Variants in CRPPA observed in about 807,000 individuals in gnomAD.
CRPPA encodes D-ribitol-5-phosphate cytidylyltransferase.
CRPPA carries 43 observed loss-of-function variants against 52.0 expected under a neutral mutation model. The observed-to-expected ratio is 0.83, with a 90% CI of 0.65 to 1.07. The LOEUF (loss-of-function observed/expected upper bound fraction) is 1.07. Ranked by LOEUF, CRPPA falls within the 50% of genes least tolerant of loss-of-function variation. The pLI, the probability that CRPPA is intolerant of heterozygous loss-of-function variation, is 0.00. For missense variants in CRPPA, 629 were observed against 551.7 expected, an observed-to-expected ratio of 1.14 and a Z score of -1.40; for synonymous variants, 250 against 203.5, an observed-to-expected ratio of 1.23 and a Z score of -1.94.
At chr7:16,188,572 C>A (rs906718731) in intron 9 of CRPPA, among the ~76,000 whole-genome samples, 2 of 152,106 alleles carry the variant, frequency 1.3e-5, no homozygotes, top group Middle Eastern at 3.2e-3. Flanking sequence ...ATTGGACATA[C>A]AACAGAAACT....
intron 9 of CRPPA, among the ~76,000 whole-genome samples, chr7:16,163,997 G>C (rs983066683): frequency 6.6e-6 from 1 of 152,050 alleles, no homozygotes; most frequent in Non-Finnish European, 1.5e-5. Context: ...TCTTGGGGTT[G>C]CTCTTCTAGA....
At chr7:16,208,840 T>G (rs1215435445) in intron 9 of CRPPA, 2 of 190,364 alleles carry the variant, frequency 1.1e-5, no homozygotes, top group East Asian at 1.5e-4. Context: ...TGGCACATTA[T>G]GTTGTATATA....
chr7:16,095,088 G>A (rs569516847), intron 9 of CRPPA, among the ~76,000 whole-genome samples: 13 of 152,170 alleles, frequency 8.5e-5, no homozygotes, highest in African/African-American at 2.2e-4. Flanking sequence ...AACTCTCTGC[G>A]GCATCCTCTG....
chr7:16,207,846 C>T (rs1172928104), intron 9 of CRPPA, among the ~76,000 whole-genome samples: 1 of 152,142 alleles, frequency 6.6e-6, no homozygotes. Context: ...TATAGGAAAT[C>T]AGATCAATAT....
intron 9 of CRPPA, among the ~76,000 whole-genome samples, chr7:16,205,834 T>C (rs1034436808): frequency 5.9e-5 from 9 of 151,926 alleles, no homozygotes; most frequent in African/African-American, 2.2e-4. Context: ...GCCAAAATCC[T>C]TTAATATCAT....
chr7:16,367,326 T>G (rs541375477), intron 3 of CRPPA, among the ~76,000 whole-genome samples: 81 of 152,168 alleles, frequency 5.3e-4, no homozygotes, highest in Non-Finnish European at 8.1e-4. Flanking sequence ...ACCGAACAAC[T>G]AAGCAAAAAC....
chr7:16,151,267 A>G (rs890845504), intron 9 of CRPPA, among the ~76,000 whole-genome samples: 1 of 152,174 alleles, frequency 6.6e-6, no homozygotes, highest in Admixed American at 6.5e-5. Context: ...AATGACAAAC[A>G]TAAGACAAAG....
chr7:16,353,815 A>C (rs1479029206), intron 3 of CRPPA, among the ~76,000 whole-genome samples: 1 of 151,838 alleles, frequency 6.6e-6, no homozygotes, highest in African/African-American at 2.4e-5. Context: ...ACACCACTGC[A>C]CTCCAGCCTG....
At chr7:16,378,100 T>A (rs13234570) in intron 2 of CRPPA, among the ~76,000 whole-genome samples, 56,593 of 151,910 alleles carry the variant, frequency 0.37, 12,612 homozygotes, top group Non-Finnish European at 0.49. Flanking sequence ...CCTTTTTTTT[T>A]AATTTTTTTA....
chr7:16,276,756 T>C (rs1784211137), intron 6 of CRPPA: 1 of 152,126 alleles, frequency 6.6e-6, no homozygotes, highest in Admixed American at 6.5e-5. Flanking sequence ...TAAACAATTG[T>C]TTAAGGGAGA....
In CRPPA at chr7:16,089,022, T is replaced by G. The variant is rs976480845; in HGVS notation, c.*2673A>C. 3 of 224,332 alleles carry G rather than the reference T, an allele frequency of 1.3e-5. No individual in the cohort carries two copies. Among genetic ancestry groups the G allele is most frequent in the Non-Finnish European group, 2.9e-5 (3 of 101,984 alleles). 13.9% of individuals were successfully genotyped at this position (224,332 alleles called of 1,614,324 possible). On this transcript the variant is annotated 3_prime_UTR_variant, in exon 10 of 10. Transcript: ENST00000407010. The stretch of plus-strand genomic sequence containing the variant: ...CACTTATTATCAGTCTTCCTTATTT[T>G]AAGCCCAAACTTTTGTTACTATTCA...
intron 9 of CRPPA, among the ~76,000 whole-genome samples, chr7:16,210,221 T>C (rs922753806): frequency 6.6e-5 from 10 of 152,210 alleles, no homozygotes; most frequent in African/African-American, 2.4e-4. Flanking sequence ...CTAGCCCTAT[T>C]CACCCTATAA....
chr7:16,194,286 A>C (rs927451061), intron 9 of CRPPA, among the ~76,000 whole-genome samples: 1 of 152,176 alleles, frequency 6.6e-6, no homozygotes, highest in Non-Finnish European at 1.5e-5. Flanking sequence ...GTAGCCTTAT[A>C]CGAGTAGATG....
At chr7:16,230,513 T>G (rs896801235) in intron 8 of CRPPA, among the ~76,000 whole-genome samples, 1 of 152,172 alleles carries the variant, frequency 6.6e-6, no homozygotes, top group Non-Finnish European at 1.5e-5. Flanking sequence ...TTCCATCTGA[T>G]TATATTTCAC....
intron 1 of CRPPA, among the ~76,000 whole-genome samples, chr7:16,417,170 G>A (rs1426541859): frequency 2.6e-5 from 4 of 152,050 alleles, no homozygotes; most frequent in African/African-American, 9.7e-5. Context: ...GCAGAGAAAA[G>A]GGGAACACTT....
chr7:16,197,507 T>A (rs900512387), intron 9 of CRPPA, among the ~76,000 whole-genome samples: 14 of 140,146 alleles, frequency 1.0e-4, no homozygotes, highest in Non-Finnish European at 1.7e-4. Flanking sequence ...TTGCGCAGCA[T>A]TTTTTTTTTT....
chr7:16,156,049 T>A (rs1460860089), intron 9 of CRPPA, among the ~76,000 whole-genome samples: 4 of 150,586 alleles, frequency 2.7e-5, no homozygotes, highest in African/African-American at 7.4e-5. Context: ...ACATCTTTTT[T>A]ATATATATAT....
chr7:16,231,256 C>T (rs1438515066), intron 8 of CRPPA, among the ~76,000 whole-genome samples: 1 of 152,158 alleles, frequency 6.6e-6, no homozygotes, highest in Non-Finnish European at 1.5e-5. Flanking sequence ...TACCATGCTA[C>T]AGCTAGGTAC....
intron 9 of CRPPA, among the ~76,000 whole-genome samples, chr7:16,163,193 CT>C (rs534829012): frequency 1.4e-3 from 217 of 152,110 alleles, no homozygotes; most frequent in African/African-American, 5.2e-3. Context: ...CCAGGATGGT[CT>C]TGATCTCCTG....
Sources: allele counts gnomAD v4.1 joint callset (sites outside exome capture counted in the v4.1 genomes callset), GRCh38; gene constraint gnomAD v4.1.1; transcripts MANE v1.5; gene names NCBI Gene and HGNC (gene_info 2026-07-23, HGNC 2026-07-21).